Variants in STK31 observed in about 807,000 individuals in gnomAD.
STK31 encodes serine/threonine-protein kinase 31.
Under a neutral mutation model 129.7 loss-of-function variants are expected in STK31, and 89 were observed. That is an observed-to-expected ratio of 0.69 (90% CI 0.58 to 0.82). The LOEUF is 0.82. STK31 is among the 40% of genes least tolerant of loss of function. The pLI, the probability that STK31 is intolerant of heterozygous loss-of-function variation, is 0.00. For synonymous variants in STK31, 448 were observed against 395.3 expected, an observed-to-expected ratio of 1.13 and a Z score of -1.58; for missense variants, 1,187 against 1,176.4, an observed-to-expected ratio of 1.01 and a Z score of -0.13.
chr7:23,827,593 A>G (rs549245283), intron 23 of STK31, among the ~76,000 whole-genome samples: 5 of 151,276 alleles, frequency 3.3e-5, no homozygotes, highest in South Asian at 4.2e-4. Context: ...TCCTCTCTCA[A>G]CTCGTCAAAG....
At chr7:23,730,878 A>AGATATTTTT (rs1787377708) in intron 6 of STK31, among the ~76,000 whole-genome samples, 1 of 59,554 alleles carries the variant, frequency 1.7e-5, no homozygotes, top group African/African-American at 5.8e-5. Flanking sequence ...ATATATATAT[A>AGATATTTTT]TTTTTTTTTT....
At chr7:23,767,847 A>G (rs563930393) in intron 11 of STK31, among the ~76,000 whole-genome samples, 2 of 152,234 alleles carry the variant, frequency 1.3e-5, no homozygotes, top group East Asian at 3.9e-4. Flanking sequence ...TCAATGCTAA[A>G]CACCAACCAT....
intron 11 of STK31, 106 bp from the exon 12 acceptor site, chr7:23,768,889 A>G: frequency 1.1e-6 from 1 of 910,822 alleles, no homozygotes; most frequent in Non-Finnish European, 1.6e-6. Context: ...AATTCTCAAG[A>G]ATGGGGATTC....
intron 11 of STK31, among the ~76,000 whole-genome samples, chr7:23,766,512 C>CTAAA (rs907137114): frequency 4.6e-5 from 7 of 152,174 alleles, no homozygotes; most frequent in African/African-American, 1.7e-4. Flanking sequence ...TCTTGGCCTC[C>CTAAA]TAAAGTGCTG....
intron 10 of STK31, among the ~76,000 whole-genome samples, chr7:23,755,921 A>C (rs1004728623): frequency 3.9e-5 from 6 of 152,246 alleles, no homozygotes; most frequent in Admixed American, 6.5e-5. Flanking sequence ...GTTTGAAGTC[A>C]GGTAGCATCA....
chr7:23,745,345 C>T (rs556222397), intron 8 of STK31, among the ~76,000 whole-genome samples: 100 of 152,178 alleles, frequency 6.6e-4, no homozygotes, highest in African/African-American at 2.2e-3. Context: ...TAGGCAGGTG[C>T]AGGATGATGC....
chr7:23,787,053 C>T, intron 20 of STK31, 129 bp downstream of exon 20: 2 of 813,342 alleles, frequency 2.5e-6, no homozygotes, highest in Non-Finnish European at 3.9e-6. Flanking sequence ...TTTGTCACCT[C>T]AAGCCTGTGA....
At chr7:23,776,078 G>T (rs1405737723) in intron 15 of STK31, among the ~76,000 whole-genome samples, 2 of 152,254 alleles carry the variant, frequency 1.3e-5, no homozygotes, top group East Asian at 3.8e-4. Context: ...TGCATCTGTT[G>T]AGATAGTCGT....
intron 11 of STK31, among the ~76,000 whole-genome samples, chr7:23,763,313 A>G (rs1286526009): frequency 1.3e-5 from 2 of 152,198 alleles, no homozygotes; most frequent in African/African-American, 4.8e-5. Flanking sequence ...CTCCATGACC[A>G]GGGAAGTTTC....
At chr7:23,784,061 T>C (rs991342595) in intron 17 of STK31, among the ~76,000 whole-genome samples, 9 of 152,086 alleles carry the variant, frequency 5.9e-5, no homozygotes, top group Non-Finnish European at 1.3e-4. Context: ...GGGAAAAAAT[T>C]CTAGAGAGGT....
intron 17 of STK31, 78 bp from the exon 18 acceptor site, chr7:23,785,400 G>A (rs999190836): frequency 3.7e-5 from 58 of 1,556,448 alleles, no homozygotes; most frequent in East Asian, 1.4e-4. Flanking sequence ...ATTTAATATC[G>A]TGTAACTAAT....
chr7:23,795,507 C>T (rs574859267), intron 22 of STK31, among the ~76,000 whole-genome samples: 3 of 152,320 alleles, frequency 2.0e-5, no homozygotes, highest in South Asian at 4.1e-4. Context: ...GGCTCCCACA[C>T]AGAGCCCCAA....
At position 23,749,834 on chromosome 7, in the gene STK31, A is replaced by AT. The variant is rs548389070; in HGVS notation, c.1018-2877dup. On this transcript the variant is annotated intron_variant, in intron 8 of 23. Coordinates refer to ENST00000355870, the MANE Select transcript of STK31 (RefSeq NM_031414.5). ...CCCATGAATTCACAAGCATTTCTCA[A>AT]TTTTTTCCTCCCCCTTTAGGTGGGA... Among the ~76,000 whole-genome samples, 699 of 151,750 alleles carry AT rather than the reference A, an allele frequency of 4.6e-3. 1 individual carries two copies. Among genetic ancestry groups the AT allele is most frequent in the Admixed American group, 7.7e-3 (118 of 15,262 alleles).
intron 20 of STK31, 106 bp from the exon 21 acceptor site, chr7:23,787,874 G>A (rs1283012455): frequency 3.5e-5 from 38 of 1,099,202 alleles, no homozygotes; most frequent in Admixed American, 5.6e-5. Flanking sequence ...GGTTCATTTC[G>A]AGGAAACTTT....
intron 8 of STK31, among the ~76,000 whole-genome samples, chr7:23,749,368 G>T: frequency 6.8e-6 from 1 of 146,882 alleles, no homozygotes; most frequent in African/African-American, 2.5e-5. Flanking sequence ...TTTGAGACAG[G>T]GTCTTGCCCT....
chr7:23,764,012 G>A (rs1245919037), intron 11 of STK31, among the ~76,000 whole-genome samples: 2 of 152,078 alleles, frequency 1.3e-5, no homozygotes, highest in Non-Finnish European at 2.9e-5. Flanking sequence ...AGATATTCAG[G>A]GACATCTGGG....
At chr7:23,754,923 A>C (rs906449097) in intron 10 of STK31, 1 of 155,926 alleles carries the variant, frequency 6.4e-6, no homozygotes, top group Admixed American at 6.3e-5. Flanking sequence ...GGTTGGTTCC[A>C]AGTCTTTGCC....
chr7:23,761,087 A>G (rs1178031346), intron 10 of STK31, among the ~76,000 whole-genome samples: 3 of 152,014 alleles, frequency 2.0e-5, no homozygotes, highest in Non-Finnish European at 1.5e-5. Flanking sequence ...TTCATGTAAG[A>G]TGAAAAGATG....
chr7:23,829,251 G>T (rs905874678), intron 23 of STK31, among the ~76,000 whole-genome samples: 3 of 152,036 alleles, frequency 2.0e-5, no homozygotes, highest in Non-Finnish European at 2.9e-5. Flanking sequence ...AATGATGTTA[G>T]CTGTGGCTTT....
Sources: allele counts gnomAD v4.1 joint callset (sites outside exome capture counted in the v4.1 genomes callset), GRCh38; gene constraint gnomAD v4.1.1; transcripts MANE v1.5; gene names NCBI Gene and HGNC (gene_info 2026-07-23, HGNC 2026-07-21).